The following SLCO4A1 variants were observed in gnomAD, a reference collection of about 807,000 sequenced individuals.
SLCO4A1 encodes solute carrier organic anion transporter family member 4A1.
In SLCO4A1, 51 loss-of-function variants were observed where a neutral mutation model predicts 64.6. That is an observed-to-expected ratio of 0.79 (90% CI 0.63 to 1.00). SLCO4A1 has a LOEUF of 1.00. Among genes scored for constraint, SLCO4A1 ranks in the 50% least tolerant of loss-of-function variants. SLCO4A1 has a pLI of 0.00. For synonymous variants in SLCO4A1, 471 were observed against 444.9 expected, an observed-to-expected ratio of 1.06 and a Z score of -0.74; for missense variants, 919 against 980.5, an observed-to-expected ratio of 0.94 and a Z score of 0.84.
At position 62,668,047 on chromosome 20, in the gene SLCO4A1, T is replaced by G. The variant is rs939853218; in HGVS notation, c.1674T>G (p.Leu558=). 4 of 1,614,048 alleles carry G rather than the reference T, an allele frequency of 2.5e-6. No individual in the cohort carries two copies. Among genetic ancestry groups the G allele is most frequent in the Non-Finnish European group, 8.5e-7 (1 of 1,180,038 alleles). Residue 558 remains leucine, a synonymous_variant, in exon 9 of 12, where the codon CTT becomes CTG. Coordinates refer to ENST00000217159, the MANE Select transcript of SLCO4A1 (RefSeq NM_016354.4). ...ACTGTAGCTGTATCCCTCAGAATCT[T>G]TCCTCTGGTTTTGGCCATGCCACTG... The part of the protein sequence containing the change: ...YRDCSCIPQN[L]SSGFGHATAG...
chr20:62,682,962 T>C (rs1050827525), intron 2 of SLCO4A1, among the ~76,000 whole-genome samples: 3 of 152,244 alleles, frequency 2.0e-5, no homozygotes, highest in Non-Finnish European at 4.4e-5. Context: ...CTTTCTGTGC[T>C]GAGCTGGAGG....
intron 3 of SLCO4A1, 89 bp from the exon 4 acceptor site, chr20:62,660,323 G>A (rs565932303): frequency 3.7e-5 from 55 of 1,500,482 alleles, no homozygotes; most frequent in African/African-American, 1.1e-4. Context: ...AGGTCTGCCC[G>A]GAGGAGGGGC....
downstream of SLCO4A1, among the ~76,000 whole-genome samples, chr20:62,673,390 G>T (rs1437751917): frequency 2.8e-5 from 4 of 143,438 alleles, no homozygotes; most frequent in African/African-American, 9.9e-5. Context: ...GGTTCATCAG[G>T]AGTCATCAGA....
Position 62,666,543 on chromosome 20 carries a change from C to T in SLCO4A1, c.1440C>T (p.Pro480=), listed in dbSNP as rs150713507. ...TCTCACTGCACTGCCCCAGTGTGCC[C>T]ATGGCGGGCGTCACAGCCAGCTACG... ...LVFSLHCPSV[P]MAGVTASYGG... The change falls in exon 7 of 12, where the codon CCC becomes CCT. Residue 480 remains proline, a synonymous_variant. Transcript: ENST00000217159. 1.4e-3 allele frequency: 2,238 copies of T among 1,613,016 alleles called. 34 individuals carry two copies. The African/African-American group carries it at 0.027, about 20-fold the overall frequency.
chr20:62,667,460 G>T, intron 7 of SLCO4A1: 1 of 442,626 alleles, frequency 2.3e-6, no homozygotes, highest in Non-Finnish European at 4.0e-6. Flanking sequence ...TGAATGTGTT[G>T]CCTGTCCAAA....
Position 62,644,848 on chromosome 20 carries a change from G to A in SLCO4A1, c.-97+2295G>A, listed in dbSNP as rs1051720710. Reference sequence around the variant, plus strand: ...GATGGTTGTAGGTGGTCAGAGATGAGCCACAGAAAAGCCAACGTGCAGCCT... The same window carrying A: ...GATGGTTGTAGGTGGTCAGAGATGAACCACAGAAAAGCCAACGTGCAGCCT... On this transcript the variant is annotated intron_variant, in intron 1 of 11. Transcript: ENST00000217159. This position sits in a 1 kb window ranked among gnomAD's most constrained non-coding sequence, Gnocchi z 5.4. Among the ~76,000 whole-genome samples, 1 of 152,232 alleles carries A rather than the reference G, an allele frequency of 6.6e-6. No individual in the cohort carries two copies. Among genetic ancestry groups the A allele is most frequent in the Non-Finnish European group, 1.5e-5 (1 of 68,046 alleles).
chr20:62,665,335 C>T (rs181936558), intron 6 of SLCO4A1: 72 of 473,584 alleles, frequency 1.5e-4, no homozygotes, highest in Non-Finnish European at 2.6e-4. Flanking sequence ...CGGTGGGCTC[C>T]ACCCCCTAGC....
chr20:62,677,350 C>T (rs1987641530), intron 2 of SLCO4A1, among the ~76,000 whole-genome samples: 1 of 152,212 alleles, frequency 6.6e-6, no homozygotes, highest in African/African-American at 2.4e-5. Context: ...TCGCTGACTG[C>T]CTGCCCTGTG....
chr20:62,682,746 G>GT (rs1316563513), intron 2 of SLCO4A1, among the ~76,000 whole-genome samples: 1 of 152,202 alleles, frequency 6.6e-6, no homozygotes, highest in Non-Finnish European at 1.5e-5. Context: ...AATCCTGGCT[G>GT]TGCCACTTCC....
chr20:62,658,671 T>TGAG lies in SLCO4A1; in HGVS notation c.797-6_797-5insGAG. ...AGCGGCCCTGACGCCTCTGCCTCTC[T>TGAG]CGCAGCCATCTTCTACACAGCGGCC... On this transcript the variant is annotated splice_region_variant and splice_polypyrimidine_tract_variant and intron_variant, in intron 2 of 11. Transcript: ENST00000217159. The TGAG allele has an allele frequency of 6.2e-7, 1 of 1,607,920 alleles. No individual in the cohort carries two copies. Among genetic ancestry groups the TGAG allele is most frequent in the Non-Finnish European group, 8.5e-7 (1 of 1,177,710 alleles).
downstream of SLCO4A1, among the ~76,000 whole-genome samples, chr20:62,687,142 G>A (rs906530654): frequency 6.6e-6 from 1 of 151,062 alleles, no homozygotes. Flanking sequence ...ACGATGGGTG[G>A]GGCACCCCCA....
At chr20:62,643,097 A>G in intron 1 of SLCO4A1, 2 of 461,794 alleles carry the variant, frequency 4.3e-6, no homozygotes, top group South Asian at 3.1e-5. Context: ...TGTTCGCGCC[A>G]GAGGCGCTCG....
rs1373274862 is a variant in SLCO4A1 at position 62,662,857 on chromosome 20, C to A, written c.1121+1682C>A. On this transcript the variant is annotated intron_variant, in intron 5 of 11. Coordinates refer to ENST00000217159, the MANE Select transcript of SLCO4A1 (RefSeq NM_016354.4). The stretch of plus-strand genomic sequence containing the variant: ...CCCCATCCCCCCACACGCCGGGACC[C>A]CCCCCAGGGTGCCCACCCCAGGTCT... Among the ~76,000 whole-genome samples the A allele has an allele frequency of 4.4e-3, 663 of 150,594 alleles. 11 individuals carry two copies. The highest frequency in any genetic ancestry group is 0.015 in the African/African-American group (626 of 40,946).
At chr20:62,673,163 A>G (rs1259079498), downstream of SLCO4A1, among the ~76,000 whole-genome samples, 6 of 141,076 alleles carry the variant, frequency 4.3e-5, 1 homozygote, top group Non-Finnish European at 9.6e-5. Context: ...AGGGAGGGGC[A>G]TGGGGGGGGC....
chr20:62,690,230 G>A (rs139973443), downstream of SLCO4A1, among the ~76,000 whole-genome samples: 297 of 152,302 alleles, frequency 2.0e-3, no homozygotes, highest in African/African-American at 6.9e-3. Flanking sequence ...TCTCCCCTCT[G>A]TCTCAGGGGC....
chr20:62,654,194 GTC>G (rs1983197684), intron 1 of SLCO4A1, among the ~76,000 whole-genome samples: 1 of 152,170 alleles, frequency 6.6e-6, no homozygotes, highest in African/African-American at 2.4e-5. Context: ...GCCCGTCTCT[GTC>G]TCTGTCTGCA....
chr20:62,647,752 G>A (rs1187943908), intron 1 of SLCO4A1, among the ~76,000 whole-genome samples: 2 of 152,240 alleles, frequency 1.3e-5, no homozygotes, highest in Non-Finnish European at 2.9e-5. Context: ...TGTGTCAGCT[G>A]CCCACACACG....
At chr20:62,673,024 A>G (rs149812168), downstream of SLCO4A1, among the ~76,000 whole-genome samples, 598 of 143,412 alleles carry the variant, frequency 4.2e-3, 45 homozygotes, top group African/African-American at 0.014. Context: ...TCCCCCCCAA[A>G]TTAGGGTACA....
chr20:62,654,812 C>A (rs1031695321), intron 1 of SLCO4A1, among the ~76,000 whole-genome samples: 1 of 152,226 alleles, frequency 6.6e-6, no homozygotes, highest in East Asian at 1.9e-4. Context: ...AGACCCCAGA[C>A]TGTGGACTTA....
Sources: gnomAD v4.1 joint callset for allele counts (sites outside exome capture counted in the v4.1 genomes callset) on GRCh38, gnomAD v4.1.1 for gene constraint, Gnocchi (gnomAD v3.1) non-coding constraint, MANE v1.5 for transcripts, NCBI Gene and HGNC (gene_info 2026-07-23, HGNC 2026-07-21) for gene names.